The following TNS4 variants were observed in gnomAD, a reference collection of about 807,000 sequenced individuals.
TNS4 encodes tensin-4.
A neutral mutation model predicts 70.4 loss-of-function variants in TNS4; 46 were observed. That is an observed-to-expected ratio of 0.65 (90% CI 0.52 to 0.84). The LOEUF is 0.84. TNS4 is among the 40% of genes least tolerant of loss of function. The pLI, the probability that TNS4 is intolerant of heterozygous loss-of-function variation, is 0.00. For synonymous variants in TNS4, 390 were observed against 366.6 expected (o/e 1.06, Z -0.73); for missense variants, 863 against 907.0 (o/e 0.95, Z 0.62).
chr17:40,484,066 A>G (rs1331654667), intron 6 of TNS4, among the ~76,000 whole-genome samples: 1 of 152,250 alleles, frequency 6.6e-6, no homozygotes, highest in East Asian at 1.9e-4. Context: ...ATAAGCTATC[A>G]CACACATGTG....
Position 40,480,743 on chromosome 17 carries a change from C to G in TNS4, c.1698G>C (p.Ser566=). 6.3e-7 allele frequency: 1 copy of G among 1,599,610 alleles called. No individual in the cohort carries two copies. Among genetic ancestry groups the G allele is most frequent in the Non-Finnish European group, 8.5e-7 (1 of 1,174,094 alleles). Residue 566 remains serine, a synonymous_variant, in exon 9 of 13, where the codon TCG becomes TCC. Coordinates refer to ENST00000254051, the MANE Select transcript of TNS4 (RefSeq NM_032865.6). ...AGGAGGCTGGGCTGTCTGTAGAGTC[C>G]GAGGCCCCATCTGCACCTCCCAGTT... is the stretch of plus-strand genomic sequence containing the variant. ...QRELGGADGA[S]DSTDSPASCQ...
At chr17:40,484,782 C>A in intron 5 of TNS4, 139 bp downstream of exon 5, 1 of 1,362,970 alleles carries the variant, frequency 7.3e-7, no homozygotes, top group South Asian at 1.3e-5. Context: ...CTCGGGAGGT[C>A]ATGAGGTCAG....
At chr17:40,492,440 C>T (rs955470998) in intron 2 of TNS4, among the ~76,000 whole-genome samples, 3 of 151,560 alleles carry the variant, frequency 2.0e-5, no homozygotes, top group Non-Finnish European at 2.9e-5. Flanking sequence ...GGGATCTTGG[C>T]TCACTGCAGA....
intron 9 of TNS4, among the ~76,000 whole-genome samples, chr17:40,480,185 T>C (rs916373780): frequency 6.6e-6 from 1 of 152,158 alleles, no homozygotes; most frequent in Admixed American, 6.5e-5. Flanking sequence ...AGGTCTTGGT[T>C]CATTGGCAAC....
Position 40,482,047 on chromosome 17 carries a change from A to T in TNS4, c.1672+82T>A, listed in dbSNP as rs71371428. The T allele has an allele frequency of 1.6e-3, 2,443 of 1,480,724 alleles. 27 individuals are homozygous for T. The African/African-American group carries it at 0.03, about 18-fold the overall frequency. The allele number at this position is 1,480,724 out of a possible 1,614,324, so 91.7% of individuals were successfully genotyped here. On this transcript the variant is annotated intron_variant, in intron 8 of 12. Transcript: ENST00000254051. Reference sequence around the variant, plus strand: ...ACCGTGACACTAAAATAATCCACCAACAAGGTAGGAGTGAACCCCATTTCT... The same window carrying T: ...ACCGTGACACTAAAATAATCCACCATCAAGGTAGGAGTGAACCCCATTTCT...
At chr17:40,498,281 G>A (rs2036170497) in intron 1 of TNS4, among the ~76,000 whole-genome samples, 1 of 152,202 alleles carries the variant, frequency 6.6e-6, no homozygotes, top group African/African-American at 2.4e-5. Flanking sequence ...TCCTTATGGT[G>A]TGACTCTGAC....
intron 2 of TNS4, among the ~76,000 whole-genome samples, chr17:40,495,424 C>G (rs999600273): frequency 3.3e-5 from 5 of 152,180 alleles, no homozygotes; most frequent in African/African-American, 1.2e-4. Context: ...AATCAGCTCC[C>G]TCTGCCCCTG....
intron 1 of TNS4, among the ~76,000 whole-genome samples, chr17:40,498,875 C>T (rs543224179): frequency 6.6e-6 from 1 of 152,168 alleles, no homozygotes; most frequent in African/African-American, 2.4e-5. Flanking sequence ...AGTTGTCAGT[C>T]CATTTTACAG....
Position 40,487,314 on chromosome 17 carries a change from T to C in TNS4, c.1010A>G (p.Asn337Ser). 6.2e-7 allele frequency: 1 copy of C among 1,613,680 alleles called. No homozygotes were observed. The highest frequency in any genetic ancestry group is 8.5e-7 in the Non-Finnish European group (1 of 1,179,942). The change falls in exon 4 of 13, where the codon AAC becomes AGC. Residue 337 changes from asparagine (N) to serine (S), a missense_variant. Asn to Ser is a conservative substitution (Grantham distance 46). Transcript: ENST00000254051. Reference protein sequence around the residue: ...TRPSDFQAPRNPTLTMGQPRT... With the variant: ...TRPSDFQAPRSPTLTMGQPRT... ...GGGTTGGCCCATGGTTAGGGTGGGG[T>C]TTCTGGGAGCCTGGAAGTCACTGGG...
At chr17:40,482,682 G>A (rs1179263905) in intron 6 of TNS4, among the ~76,000 whole-genome samples, 2 of 151,894 alleles carry the variant, frequency 1.3e-5, no homozygotes, top group African/African-American at 4.8e-5. Flanking sequence ...GGAGGCTGAG[G>A]CAGGAGAATT....
chr17:40,477,459 A>T lies in TNS4; in HGVS notation c.*129T>A. 7.6e-7 allele frequency: 1 copy of T among 1,315,268 alleles called. No individual in the cohort carries two copies. The highest frequency in any genetic ancestry group is 1.4e-5 in the South Asian group (1 of 69,002). 81.5% of individuals were successfully genotyped at this position (1,315,268 alleles called of 1,614,324 possible). ...TAGCAGGTTCAAGGGTGTCAACTTGATGCCAATCCCCCTAGTCCCATAGAT... is the reference window on the plus strand; with the variant it reads ...TAGCAGGTTCAAGGGTGTCAACTTGTTGCCAATCCCCCTAGTCCCATAGAT... On this transcript the variant is annotated 3_prime_UTR_variant, in exon 13 of 13. Coordinates refer to ENST00000254051, the MANE Select transcript of TNS4 (RefSeq NM_032865.6).
rs182413094 is a variant in TNS4 at position 40,499,348 on chromosome 17, G to C, written c.-96+2186C>G. Among the ~76,000 whole-genome samples, 129 of 152,248 alleles carry C rather than the reference G, an allele frequency of 8.5e-4. No homozygotes were observed. In the Middle Eastern group the frequency reaches 0.01, roughly 12 times the overall value. ...TAAAAGGGACAGGAAATGCTCACTC[G>C]GGGAGCTCGGCTCTTGAGACAGGAG... On this transcript the variant is annotated intron_variant, in intron 1 of 12. Coordinates refer to ENST00000254051, the MANE Select transcript of TNS4 (RefSeq NM_032865.6).
intron 2 of TNS4, among the ~76,000 whole-genome samples, chr17:40,493,505 T>C (rs957767585): frequency 2.0e-5 from 3 of 152,182 alleles, no homozygotes; most frequent in Non-Finnish European, 4.4e-5. Flanking sequence ...GGTGGAGAAC[T>C]TCCCAGTGGG....
At chr17:40,480,411 G>C (rs1223583548) in intron 9 of TNS4, among the ~76,000 whole-genome samples, 1 of 152,116 alleles carries the variant, frequency 6.6e-6, no homozygotes, top group Non-Finnish European at 1.5e-5. Context: ...GACCTAGAGA[G>C]ACCCTAGCAC....
At chr17:40,489,796 CAAAA>C (rs11463268) in intron 2 of TNS4, among the ~76,000 whole-genome samples, 2 of 105,608 alleles carry the variant, frequency 1.9e-5, no homozygotes, top group Admixed American at 1.0e-4. Flanking sequence ...GCCCCATCTC[CAAAA>C]AAAAAAAAAA....
chr17:40,490,013 G>C (rs1006132956), intron 2 of TNS4, among the ~76,000 whole-genome samples: 1 of 152,150 alleles, frequency 6.6e-6, no homozygotes, highest in Non-Finnish European at 1.5e-5. Context: ...CATCACCTGG[G>C]CTCCACCCCT....
At chr17:40,489,796 C>CAAAAAAAAAAAAA (rs11463268) in intron 2 of TNS4, among the ~76,000 whole-genome samples, 9 of 105,598 alleles carry the variant, frequency 8.5e-5, no homozygotes, top group Admixed American at 4.1e-4. Context: ...GCCCCATCTC[C>CAAAAAAAAAAAAA]AAAAAAAAAA....
intron 6 of TNS4, 43 bp from the exon 7 acceptor site, chr17:40,482,459 T>G (rs1010963291): frequency 6.2e-7 from 1 of 1,601,176 alleles, no homozygotes; most frequent in Non-Finnish European, 8.5e-7. Flanking sequence ...AATTCCACCT[T>G]GTGGCCGGGC....
At chr17:40,496,794 G>A (rs1340190487) in intron 1 of TNS4, among the ~76,000 whole-genome samples, 1 of 152,164 alleles carries the variant, frequency 6.6e-6, no homozygotes, top group Non-Finnish European at 1.5e-5. Flanking sequence ...CATTATGTAA[G>A]TGATCATTAA....
Sources: allele counts gnomAD v4.1 joint callset (sites outside exome capture counted in the v4.1 genomes callset), GRCh38; gene constraint gnomAD v4.1.1; transcripts MANE v1.5; gene names NCBI Gene and HGNC (gene_info 2026-07-23, HGNC 2026-07-21).